Variants in SMARCA2 observed in about 807,000 individuals in gnomAD.
SMARCA2 encodes SWI/SNF related BAF chromatin remodeling complex subunit ATPase 2.
SMARCA2 carries 61 observed loss-of-function variants against 199.8 expected under a neutral mutation model. The observed-to-expected ratio is 0.31, with a 90% CI of 0.25 to 0.38. The LOEUF (loss-of-function observed/expected upper bound fraction) is 0.38, where lower values mean the gene tolerates loss of function less well. Among genes scored for constraint, SMARCA2 ranks in the 10% least tolerant of loss-of-function variants. SMARCA2 has a pLI of 1.00. For missense variants in SMARCA2, 1,344 were observed against 2,012.2 expected (o/e 0.67, Z 6.35); for synonymous variants, 935 against 732.0 (o/e 1.28, Z -4.48).
In SMARCA2 at chr9:2,154,147, T is replaced by C. The variant is rs372913656; in HGVS notation, c.3982-7539T>C. 1.8e-4 allele frequency among the ~76,000 whole-genome samples: 28 copies of C among 152,326 alleles called. No individual in the cohort carries two copies. In the South Asian group the frequency reaches 5.8e-3, roughly 32 times the overall value. ...TGCCTCAGTTTCCTCATCTGCAAAA[T>C]GCAGAGAGTAAGAGTGGCTACCTTT... On this transcript the variant is annotated intron_variant, in intron 27 of 33. Coordinates refer to ENST00000349721, the MANE Select transcript of SMARCA2 (RefSeq NM_003070.5).
intron 27 of SMARCA2, among the ~76,000 whole-genome samples, chr9:2,125,112 G>T (rs997844339): frequency 7.9e-5 from 12 of 152,176 alleles, no homozygotes; most frequent in African/African-American, 2.7e-4. Context: ...AACAGGTCTT[G>T]TCACCGCTTG....
At chr9:2,185,335 T>A (rs1051239246) in intron 31 of SMARCA2, among the ~76,000 whole-genome samples, 1 of 152,236 alleles carries the variant, frequency 6.6e-6, no homozygotes, top group African/African-American at 2.4e-5. Flanking sequence ...AATCCTCCAG[T>A]TACAGGATTT....
At chr9:2,188,384 C>T (rs1235999257) in intron 32 of SMARCA2, among the ~76,000 whole-genome samples, 1 of 151,454 alleles carries the variant, frequency 6.6e-6, no homozygotes, top group African/African-American at 2.4e-5. Context: ...CCTCAACATA[C>T]ATAAGCGACT....
intron 29 of SMARCA2, among the ~76,000 whole-genome samples, chr9:2,180,691 A>G (rs1826961831): frequency 6.6e-6 from 1 of 152,258 alleles, no homozygotes; most frequent in African/African-American, 2.4e-5. Flanking sequence ...TCTTGAACCT[A>G]AATTGTGAAT....
chr9:2,163,469 G>C (rs1825786334), intron 28 of SMARCA2, among the ~76,000 whole-genome samples: 1 of 152,112 alleles, frequency 6.6e-6, no homozygotes, highest in South Asian at 2.1e-4. Flanking sequence ...CCATGAATCA[G>C]TAACTCTTAC....
chr9:2,095,169 T>C (rs1373517581), intron 19 of SMARCA2, among the ~76,000 whole-genome samples: 1 of 151,622 alleles, frequency 6.6e-6, no homozygotes, highest in Non-Finnish European at 1.5e-5. Context: ...CACTGCAACC[T>C]CCGCCTCCCG....
Position 2,086,767 on chromosome 9 carries a change from T to G in SMARCA2, c.2527-62T>G, listed in dbSNP as rs553844640. Reference sequence around the variant, plus strand: ...TTGGTTTTCCGCACCACCACTTGCTTGTTGGAAATAGTTGTATTTTCCCTT... The same window carrying G: ...TTGGTTTTCCGCACCACCACTTGCTGGTTGGAAATAGTTGTATTTTCCCTT... On this transcript the variant is annotated intron_variant, in intron 17 of 33. Coordinates refer to ENST00000349721, the MANE Select transcript of SMARCA2 (RefSeq NM_003070.5). This position sits in a 1 kb window ranked among gnomAD's most constrained non-coding sequence, Gnocchi z 4.3. The G allele has an allele frequency of 6.3e-7, 1 of 1,590,988 alleles. No individual in the cohort carries two copies. Among genetic ancestry groups the G allele is most frequent in the East Asian group, 2.2e-5 (1 of 44,694 alleles).
At chr9:2,087,768 TG>T (rs1408365023) in intron 18 of SMARCA2, among the ~76,000 whole-genome samples, 4 of 152,206 alleles carry the variant, frequency 2.6e-5, no homozygotes, top group African/African-American at 9.6e-5. Flanking sequence ...CCACTAAAAA[TG>T]CTTTAGTAAA....
At chr9:2,082,477 C>A (rs1821609891) in intron 15 of SMARCA2, among the ~76,000 whole-genome samples, 1 of 152,096 alleles carries the variant, frequency 6.6e-6, no homozygotes, top group South Asian at 2.1e-4. Context: ...TTAGTATGTG[C>A]ACTGAGGTTA....
At chr9:2,191,596 T>C in intron 33 of SMARCA2, 188 bp downstream of exon 33, 1 of 530,376 alleles carries the variant, frequency 1.9e-6, no homozygotes, top group Non-Finnish European at 3.2e-6. Context: ...ATTGGGGGCT[T>C]TGTTTATTGC....
At chr9:2,071,439 G>A (rs907255156) in intron 10 of SMARCA2, among the ~76,000 whole-genome samples, 1 of 152,168 alleles carries the variant, frequency 6.6e-6, no homozygotes, top group South Asian at 2.1e-4. Flanking sequence ...ATTTGCAAAA[G>A]CCCAGCCTTA....
intron 22 of SMARCA2, among the ~76,000 whole-genome samples, chr9:2,102,352 G>C (rs183990071): frequency 1.1e-3 from 161 of 152,240 alleles, no homozygotes; most frequent in Middle Eastern, 3.4e-3. Flanking sequence ...GCTCCCATCA[G>C]CTTGGCCAGG....
chr9:2,088,648 T>C, intron 19 of SMARCA2, 35 bp downstream of exon 19: 1 of 1,454,104 alleles, frequency 6.9e-7, no homozygotes, highest in Non-Finnish European at 9.4e-7. Flanking sequence ...GGGTTTTTTT[T>C]TTCCTCCAGC....
chr9:2,149,060 G>C (rs2130712659), intron 27 of SMARCA2, among the ~76,000 whole-genome samples: 1 of 151,180 alleles, frequency 6.6e-6, no homozygotes, highest in East Asian at 1.9e-4. Context: ...GCCTGTATTA[G>C]TCTGTTTTCA....
At chr9:2,189,587 A>G (rs559509800) in intron 32 of SMARCA2, among the ~76,000 whole-genome samples, 59 of 152,124 alleles carry the variant, frequency 3.9e-4, no homozygotes, top group African/African-American at 1.3e-3. Flanking sequence ...TCGACGTCCT[A>G]CATCTTTCCG....
In SMARCA2 at chr9:2,094,328, C is replaced by T. The variant is rs545465060; in HGVS notation, c.2884-2329C>T. ...CTGCTTGCCTCTCTGCTGACTTGACCTCGTTGAGAATGCTTGGCATCCCTG... is the reference window on the plus strand; with the variant it reads ...CTGCTTGCCTCTCTGCTGACTTGACTTCGTTGAGAATGCTTGGCATCCCTG... On this transcript the variant is annotated intron_variant, in intron 19 of 33. Coordinates refer to ENST00000349721, the MANE Select transcript of SMARCA2 (RefSeq NM_003070.5). Among the ~76,000 whole-genome samples the T allele has an allele frequency of 7.2e-5, 11 of 152,322 alleles. No individual in the cohort carries two copies. The South Asian group carries it at 1.7e-3, about 23-fold the overall frequency.
chr9:2,041,503 T>C, intron 4 of SMARCA2: 4 of 398,256 alleles, frequency 1.0e-5, no homozygotes, highest in Non-Finnish European at 1.3e-5. Context: ...TTATGAGGAC[T>C]CTACTCTCAT....
chr9:2,144,319 T>C (rs1436260717), intron 27 of SMARCA2, among the ~76,000 whole-genome samples: 1 of 152,124 alleles, frequency 6.6e-6, no homozygotes. Flanking sequence ...CTGTGACTGT[T>C]AAACTTTCTT....
At chr9:2,175,776 A>G (rs1826539459) in intron 29 of SMARCA2, among the ~76,000 whole-genome samples, 1 of 152,198 alleles carries the variant, frequency 6.6e-6, no homozygotes. Flanking sequence ...GCTTTGGCAT[A>G]TCTCCTTCTG....
Sources: gnomAD v4.1 joint callset for allele counts (sites outside exome capture counted in the v4.1 genomes callset) on GRCh38, gnomAD v4.1.1 for gene constraint, Gnocchi (gnomAD v3.1) non-coding constraint, MANE v1.5 for transcripts, NCBI Gene and HGNC (gene_info 2026-07-23, HGNC 2026-07-21) for gene names.